ARSG: variants seen among roughly 807,000 people sequenced by gnomAD.
ARSG encodes ASG.
Under a neutral mutation model 50.5 loss-of-function variants are expected in ARSG, and 37 were observed. The ratio of observed to expected loss-of-function variants is 0.73; its 90% CI spans 0.56 to 0.96. The LOEUF (loss-of-function observed/expected upper bound fraction) is 0.96. ARSG is among the 50% of genes least tolerant of loss of function. ARSG has a pLI of 0.00. For missense variants in ARSG, 629 were observed against 675.3 expected (o/e 0.93, Z 0.76); for synonymous variants, 225 against 254.6 (o/e 0.88, Z 1.11).
intron 10 of ARSG, 21 bp downstream of exon 10, chr17:68,395,214 C>A: frequency 6.2e-7 from 1 of 1,612,910 alleles, no homozygotes; most frequent in Non-Finnish European, 8.5e-7. Flanking sequence ...GAGGTACTTG[C>A]CCACATGTAG....
At chr17:68,444,981 C>T in the ARSG span, among the ~76,000 whole-genome samples, 7,527 of 143,560 alleles carry the variant, frequency 0.052, 196 homozygotes, top group Middle Eastern at 0.11. Context: ...AGTGCAGTGG[C>T]GCAATCTCAG....
chr17:68,312,191 G>A (rs891242665), intron 2 of ARSG, among the ~76,000 whole-genome samples: 2 of 152,100 alleles, frequency 1.3e-5, no homozygotes, highest in Non-Finnish European at 2.9e-5. Flanking sequence ...TGGACTTCAG[G>A]AAGAAAAATG....
At chr17:68,448,446 G>GC in the ARSG span, 3 of 152,168 alleles carry the variant, frequency 2.0e-5, no homozygotes, top group Non-Finnish European at 4.4e-5. Context: ...TCGTGGCTTT[G>GC]CCATGAATTG....
chr17:68,388,559 G>T (rs147029234), intron 9 of ARSG, among the ~76,000 whole-genome samples: 1 of 152,244 alleles, frequency 6.6e-6, no homozygotes, highest in Non-Finnish European at 1.5e-5. Flanking sequence ...AATGAGGATC[G>T]ATCCTTCAGA....
chr17:68,297,719 G>A (rs36103471), intron 1 of ARSG, among the ~76,000 whole-genome samples: 46,138 of 152,034 alleles, frequency 0.3, 7,744 homozygotes, highest in East Asian at 0.38. Flanking sequence ...CTCCTGTCTC[G>A]GCATCCCAGA....
chr17:68,444,611 A>G, the ARSG span: 1 of 1,601,496 alleles, frequency 6.2e-7, no homozygotes, highest in Non-Finnish European at 8.5e-7. Context: ...CAGACTTATC[A>G]GTCTACCGAA....
At chr17:68,364,308 A>G (rs1020114995) in intron 6 of ARSG, among the ~76,000 whole-genome samples, 1 of 152,080 alleles carries the variant, frequency 6.6e-6, no homozygotes, top group Non-Finnish European at 1.5e-5. Context: ...GAGACAAGCA[A>G]ACAAAAAAAA....
At chr17:68,449,085 T>TA in the ARSG span, among the ~76,000 whole-genome samples, 17 of 152,106 alleles carry the variant, frequency 1.1e-4, no homozygotes, top group Admixed American at 5.2e-4. Flanking sequence ...TCTCATTTGT[T>TA]AAAAAAAATT....
upstream of ARSG, among the ~76,000 whole-genome samples, chr17:68,287,990 CTTTT>C (rs542264053): frequency 7.9e-6 from 1 of 126,082 alleles, no homozygotes; most frequent in Non-Finnish European, 1.7e-5. Context: ...TCCCTCCTTT[CTTTT>C]TTTTTTTTTT....
At position 68,417,733 on chromosome 17, in the gene ARSG, A is replaced by ATTTTTTTTT. The variant is rs770292731; in HGVS notation, c.1304-2432_1304-2424dup. 3.1e-3 allele frequency among the ~76,000 whole-genome samples: 190 copies of ATTTTTTTTT among 60,828 alleles called. 39 individuals are homozygous for ATTTTTTTTT. The highest frequency in any genetic ancestry group is 4.0e-3 in the Non-Finnish European group (137 of 34,584). The allele number at this position is 60,828 out of a possible 152,430, so 39.9% of individuals were successfully genotyped here. A position where few individuals can be genotyped will look rare whatever the true frequency, so the allele number is the denominator to read the frequency against. On this transcript the variant is annotated intron_variant, in intron 11 of 11. Transcript: ENST00000621439. ...CAAAAGACCTAATAAGAGTTGCTGA[A>ATTTTTTTTT]TTTTTTTTTTTTTTTTTTTTTTTTT...
At chr17:68,294,122 C>T (rs1413836644) in intron 1 of ARSG, among the ~76,000 whole-genome samples, 2 of 152,168 alleles carry the variant, frequency 1.3e-5, no homozygotes, top group African/African-American at 2.4e-5. Context: ...CTCAGCTCCC[C>T]TCTTAGCCTC....
intron 4 of ARSG, among the ~76,000 whole-genome samples, chr17:68,348,676 G>A (rs2078620164): frequency 6.6e-6 from 1 of 152,076 alleles, no homozygotes; most frequent in South Asian, 2.1e-4. Flanking sequence ...TCATGCCTCA[G>A]CCTCCCAAGT....
At chr17:68,336,494 A>G (rs777277343) in intron 2 of ARSG, among the ~76,000 whole-genome samples, 18 of 151,970 alleles carry the variant, frequency 1.2e-4, no homozygotes, top group Non-Finnish European at 2.2e-4. Flanking sequence ...ACAGGCGTGA[A>G]CCACCACACC....
intron 9 of ARSG, 103 bp downstream of exon 9, chr17:68,385,275 G>T: frequency 1.1e-6 from 1 of 946,064 alleles, no homozygotes. Flanking sequence ...TGGAGGCATG[G>T]GTGGCTAGAG....
chr17:68,371,047 G>A (rs746173218), intron 8 of ARSG, among the ~76,000 whole-genome samples: 5 of 152,174 alleles, frequency 3.3e-5, no homozygotes, highest in Non-Finnish European at 5.9e-5. Flanking sequence ...TAGGCCGGGC[G>A]CGGTGGCTCA....
intron 8 of ARSG, among the ~76,000 whole-genome samples, chr17:68,372,284 C>T (rs990429770): frequency 6.6e-6 from 1 of 151,668 alleles, no homozygotes; most frequent in East Asian, 2.0e-4. Context: ...ATCTATCTAT[C>T]TATCAATTGA....
At position 68,397,773 on chromosome 17, in the gene ARSG, T is replaced by A. The variant is rs149428950; in HGVS notation, c.1212+2580T>A. On this transcript the variant is annotated intron_variant, in intron 10 of 11. Coordinates refer to ENST00000621439, the MANE Select transcript of ARSG (RefSeq NM_001267727.2). The stretch of plus-strand genomic sequence containing the variant: ...GTTTTGTTTTAATTTAATTTAATTT[T>A]ATTTTATTTTTTGAGAGGAGTCTCA... Among the ~76,000 whole-genome samples, 1,032 of 151,012 alleles carry A rather than the reference T, an allele frequency of 6.8e-3. 5 individuals carry two copies. The highest frequency in any genetic ancestry group is 0.017 in the Middle Eastern group (5 of 294).
intron 7 of ARSG, 23 bp from the exon 8 acceptor site, chr17:68,370,421 T>A (rs1458756454): frequency 1.2e-6 from 2 of 1,612,778 alleles, no homozygotes; most frequent in Admixed American, 3.3e-5. Context: ...CTGGTGACCA[T>A]TAATGCTTTT....
chr17:68,376,734 AAGG>A (rs2080169768), intron 8 of ARSG, among the ~76,000 whole-genome samples: 1 of 152,168 alleles, frequency 6.6e-6, no homozygotes, highest in Non-Finnish European at 1.5e-5. Flanking sequence ...AGCTGAGAAC[AAGG>A]AGAAGGGCAA....
Sources: gnomAD v4.1 joint callset for allele counts (sites outside exome capture counted in the v4.1 genomes callset) on GRCh38, gnomAD v4.1.1 for gene constraint, MANE v1.5 for transcripts, NCBI Gene and HGNC (gene_info 2026-07-23, HGNC 2026-07-21) for gene names.